PIK3CD: variants seen among roughly 807,000 people sequenced by gnomAD.
The protein encoded by PIK3CD is phosphatidylinositol-4,5-bisphosphate 3-kinase catalytic subunit delta, also known as phosphatidylinositol 4,5-bisphosphate 3-kinase catalytic subunit delta isoform.
A neutral mutation model predicts 122.9 loss-of-function variants in PIK3CD; 20 were observed. That is an observed-to-expected ratio of 0.16 (90% CI 0.11 to 0.24). The LOEUF is 0.24. Among genes scored for constraint, PIK3CD ranks in the 10% least tolerant of loss-of-function variants. The probability of loss-of-function intolerance (pLI) is 1.00; values close to 1 mark genes in which losing one functional copy is unlikely to be tolerated. For synonymous variants in PIK3CD, 596 were observed against 593.4 expected (o/e 1.00, Z -0.06); for missense variants, 787 against 1,406.3 (o/e 0.56, Z 7.04).
the PIK3CD span, among the ~76,000 whole-genome samples, chr1:9,637,401 C>T: frequency 1.3e-5 from 2 of 152,274 alleles, no homozygotes; most frequent in East Asian, 1.9e-4. Context: ...TGGTGGTGTG[C>T]ACCTACAGTC....
Position 9,719,896 on chromosome 1 carries a change from C to A in PIK3CD, c.1243-25C>A. ...GGTCTGGAGGCCCCTGAGTGGCTGTCCTCACCTGCCCTGTCCTTCTGCAGG... is the reference window on the plus strand; with the variant it reads ...GGTCTGGAGGCCCCTGAGTGGCTGTACTCACCTGCCCTGTCCTTCTGCAGG... On this transcript the variant is annotated intron_variant, in intron 9 of 23. Transcript: ENST00000377346. This position sits in a 1 kb window ranked among gnomAD's most constrained non-coding sequence, Gnocchi z 5.5. 4 of 1,602,054 alleles carry A rather than the reference C, an allele frequency of 2.5e-6. No individual in the cohort carries two copies. The highest frequency in any genetic ancestry group is 3.4e-6 in the Non-Finnish European group (4 of 1,169,760).
intron 2 of PIK3CD, among the ~76,000 whole-genome samples, chr1:9,708,567 G>A (rs1003755836): frequency 2.0e-5 from 3 of 152,146 alleles, no homozygotes; most frequent in Admixed American, 6.5e-5. Context: ...ATGCATGGAC[G>A]TCGGGCCCAG....
chr1:9,650,299 A>G (rs941132419), upstream of PIK3CD, among the ~76,000 whole-genome samples: 3 of 152,046 alleles, frequency 2.0e-5, no homozygotes, highest in Non-Finnish European at 4.4e-5. Flanking sequence ...GTGTGCACCT[A>G]TAGTCCCAGC....
chr1:9,654,551 G>A (rs888744745), intron 1 of PIK3CD: 6 of 515,188 alleles, frequency 1.2e-5, no homozygotes, highest in African/African-American at 1.0e-4. Flanking sequence ...GATGGTGAGA[G>A]TCGGTTCCTG....
At chr1:9,716,685 C>A in intron 6 of PIK3CD, 66 bp downstream of exon 6, 2 of 1,489,286 alleles carry the variant, frequency 1.3e-6, no homozygotes, top group South Asian at 2.4e-5. Context: ...GGGTGGGAGT[C>A]GGGGAGCTGA....
rs755117692 is a variant in PIK3CD at position 9,724,811 on chromosome 1, G to T, written c.2872G>T (p.Gly958Cys). Residue 958 changes from glycine to cysteine, a missense_variant, in exon 23 of 24, where the codon GGC becomes TGC. By Grantham distance (159) the Gly-to-Cys change is radical (BLOSUM62 -3). Around this residue, in one of 6 missense-constraint regions of PIK3CD, gnomAD observed 60 missense variants for 129.5 expected, o/e 0.46. Transcript: ENST00000377346. The surrounding 1 kb of genome is among the most constrained non-coding windows in gnomAD (Gnocchi z 7.3). ...NNSEKFERFR[G>C]YCERAYTILR... The stretch of plus-strand genomic sequence containing the variant: ...TCTGTCCCCTACCTGCAGGTTCCGG[G>T]GCTACTGTGAAAGGGCCTACACCAT... The T allele has an allele frequency of 5.8e-5, 93 of 1,613,126 alleles. No individual in the cohort carries two copies. The highest frequency in any genetic ancestry group is 7.8e-5 in the Non-Finnish European group (92 of 1,180,050).
chr1:9,681,135 A>G (rs6660363), intron 1 of PIK3CD: 87,136 of 150,914 alleles, frequency 0.58, 26,556 homozygotes, highest in African/African-American at 0.79. Flanking sequence ...AGATGAGAGC[A>G]CTGGAGAGAG....
In PIK3CD at chr1:9,716,049, C is replaced by T; in HGVS notation, c.571C>T (p.Leu191=). 1 of 1,612,594 alleles carries T rather than the reference C, an allele frequency of 6.2e-7. No individual in the cohort carries two copies. The change falls in exon 5 of 24, where the codon CTG becomes TTG. Residue 191 remains leucine (L), a synonymous_variant. Transcript: ENST00000377346. Reference sequence around the variant, plus strand: ...CCTGCGGCTCCCGAACCGGGCCCTTCTGGTCAACGTTAAGTTTGAGGGCAG... The same window carrying T: ...CCTGCGGCTCCCGAACCGGGCCCTTTTGGTCAACGTTAAGTTTGAGGGCAG... The part of the protein sequence containing the change: ...GTLRLPNRAL[L]VNVKFEGSEE...
At chr1:9,647,698 G>T (rs1644621415), upstream of PIK3CD, among the ~76,000 whole-genome samples, 1 of 151,852 alleles carries the variant, frequency 6.6e-6, no homozygotes, top group South Asian at 2.1e-4. Context: ...TAAAGATGAG[G>T]TCTCACTATG....
chr1:9,710,588 A>G lies in PIK3CD; in HGVS notation c.133A>G (p.Ile45Val). 6.2e-7 allele frequency: 1 copy of G among 1,613,844 alleles called. No individual in the cohort carries two copies. Among genetic ancestry groups the G allele is most frequent in the Non-Finnish European group, 8.5e-7 (1 of 1,179,976 alleles). ...GTCCCGCAATGCCAACCTCAGCACC[A>G]TCAAGCAGGTATGGCCTCCATCCGG... ...PVSRNANLST[I>V]KQLLWHRAQY... The change falls in exon 3 of 24, where the codon ATC (isoleucine) becomes GTC (valine). Residue 45 changes from isoleucine to valine, a missense_variant. By Grantham distance (29) the Ile-to-Val change is conservative (BLOSUM62 3). This residue lies in a region of PIK3CD where 592 missense variants were observed against 920.6 expected (regional missense o/e 0.64). Coordinates refer to ENST00000377346, the MANE Select transcript of PIK3CD (RefSeq NM_005026.5). The surrounding 1 kb of genome is among the most constrained non-coding windows in gnomAD (Gnocchi z 4.7).
chr1:9,700,069 T>TA lies in PIK3CD; in HGVS notation c.-33+8499dup, dbSNP rs1646569929. 6.6e-6 allele frequency among the ~76,000 whole-genome samples: 1 copy of TA among 152,252 alleles called. No homozygotes were observed. Among genetic ancestry groups the TA allele is most frequent in the Admixed American group, 6.5e-5 (1 of 15,282 alleles). On this transcript the variant is annotated intron_variant, in intron 2 of 23. Coordinates refer to ENST00000377346, the MANE Select transcript of PIK3CD (RefSeq NM_005026.5). The surrounding 1 kb of genome is among the most constrained non-coding windows in gnomAD (Gnocchi z 5.1). ...CCTTTTTATTATATTCCAGTGCTTT[T>TA]ACTACCTGAAGCATCTTGTTTATCT...
chr1:9,656,147 T>C (rs1278284890), intron 1 of PIK3CD, among the ~76,000 whole-genome samples: 1 of 151,126 alleles, frequency 6.6e-6, no homozygotes, highest in Non-Finnish European at 1.5e-5. Context: ...GTGCCAGGAG[T>C]AGGGTGGGGG....
At chr1:9,705,969 A>C (rs1395688546) in intron 2 of PIK3CD, among the ~76,000 whole-genome samples, 4 of 151,964 alleles carry the variant, frequency 2.6e-5, no homozygotes, top group Admixed American at 1.3e-4. Flanking sequence ...TCTCTTGAGC[A>C]CTTGAAATGT....
At position 9,723,377 on chromosome 1, in the gene PIK3CD, G is replaced by T; in HGVS notation, c.2594+85G>T. On this transcript the variant is annotated intron_variant, in intron 20 of 23. Coordinates refer to ENST00000377346, the MANE Select transcript of PIK3CD (RefSeq NM_005026.5). The surrounding 1 kb of genome is among the most constrained non-coding windows in gnomAD (Gnocchi z 4.9). ...GCCTCGCCTGTCAGAACAAAGGAGCGGGGAGGGGCCTCAGACCATCTTTGT... is the reference window on the plus strand; with the variant it reads ...GCCTCGCCTGTCAGAACAAAGGAGCTGGGAGGGGCCTCAGACCATCTTTGT... The T allele has an allele frequency of 7.1e-7, 1 of 1,413,272 alleles. No homozygotes were observed. The allele number at this position is 1,413,272 out of a possible 1,614,324, so 87.5% of individuals were successfully genotyped here.
the PIK3CD span, among the ~76,000 whole-genome samples, chr1:9,628,315 G>T: frequency 6.6e-6 from 1 of 152,012 alleles, no homozygotes; most frequent in Non-Finnish European, 1.5e-5. Context: ...AAGAAAGAAA[G>T]AAAAATACTC....
rs1337352852 is a variant in PIK3CD, at chr1:9,724,800, G to T, written c.2865-4G>T. 3.1e-6 allele frequency: 5 copies of T among 1,612,710 alleles called. No homozygotes were observed. Among genetic ancestry groups the T allele is most frequent in the Middle Eastern group, 2.0e-4 (1 of 5,052 alleles). Reference sequence around the variant, plus strand: ...GCCTCACTTCCTCTGTCCCCTACCTGCAGGTTCCGGGGCTACTGTGAAAGG... The same window carrying T: ...GCCTCACTTCCTCTGTCCCCTACCTTCAGGTTCCGGGGCTACTGTGAAAGG... On this transcript the variant is annotated splice_region_variant and splice_polypyrimidine_tract_variant and intron_variant, in intron 22 of 23. Coordinates refer to ENST00000377346, the MANE Select transcript of PIK3CD (RefSeq NM_005026.5). The surrounding 1 kb of genome is among the most constrained non-coding windows in gnomAD (Gnocchi z 7.3).
At position 9,710,873 on chromosome 1, in the gene PIK3CD, A is replaced by C. The variant is rs1014691643; in HGVS notation, c.141+277A>C. 1.3e-5 allele frequency among the ~76,000 whole-genome samples: 2 copies of C among 151,824 alleles called. No individual in the cohort carries two copies. The highest frequency in any genetic ancestry group is 2.9e-5 in the Non-Finnish European group (2 of 67,948). ...CAATCTCGGCTCACTGCAACCTCCA[A>C]CTCCCGGGTTCAAGAGATTCTTCCG... On this transcript the variant is annotated intron_variant, in intron 3 of 23. Transcript: ENST00000377346. The surrounding 1 kb of genome is among the most constrained non-coding windows in gnomAD (Gnocchi z 4.7).
rs182562655 is a variant in PIK3CD, at chr1:9,683,590, G to A, written c.-137-7877G>A. Among the ~76,000 whole-genome samples, 230 of 152,234 alleles carry A rather than the reference G, an allele frequency of 1.5e-3. 1 individual carries two copies. The highest frequency in any genetic ancestry group is 5.2e-3 in the African/African-American group (217 of 41,538). ...CTGTCACTTCCTGCACGGCTTCGGC[G>A]TCAGTTTCCTCATGAAGATGACTAT... On this transcript the variant is annotated intron_variant, in intron 1 of 23. Coordinates refer to ENST00000377346, the MANE Select transcript of PIK3CD (RefSeq NM_005026.5).
chr1:9,684,845 CAA>C (rs200995845), intron 1 of PIK3CD, among the ~76,000 whole-genome samples: 12 of 108,774 alleles, frequency 1.1e-4, no homozygotes, highest in Admixed American at 2.0e-4. Context: ...GACCCTGTCT[CAA>C]AAAAAAAAAA....
Sources: allele counts gnomAD v4.1 joint callset (sites outside exome capture counted in the v4.1 genomes callset), GRCh38; gene constraint gnomAD v4.1.1; regional missense constraint gnomAD v4.1.1; non-coding constraint Gnocchi (gnomAD v3.1); transcripts MANE v1.5; gene names NCBI Gene and HGNC (gene_info 2026-07-23, HGNC 2026-07-21).